CAMKMT: variants seen among roughly 807,000 people sequenced by gnomAD.
CAMKMT encodes CaM KMT.
In CAMKMT, 53 loss-of-function variants were observed where a neutral mutation model predicts 48.0. The observed-to-expected ratio is 1.10, with a 90% CI of 0.89 to 1.39. The LOEUF (loss-of-function observed/expected upper bound fraction) is 1.39, where lower values mean the gene tolerates loss of function less well. Ranked by LOEUF, CAMKMT falls within the 40% of genes most tolerant of loss-of-function variation. The pLI is 0.00. For synonymous variants in CAMKMT, 165 were observed against 152.3 expected (o/e 1.08, Z -0.61); for missense variants, 428 against 402.7 (o/e 1.06, Z -0.54).
intron 3 of CAMKMT, among the ~76,000 whole-genome samples, chr2:44,619,499 G>A (rs1572932026): frequency 6.6e-6 from 1 of 152,070 alleles, no homozygotes; most frequent in South Asian, 2.1e-4. Context: ...AAACACATAT[G>A]TGTGTGTATA....
chr2:44,410,284 T>A (rs1310708451), intron 3 of CAMKMT, among the ~76,000 whole-genome samples: 2 of 15,466 alleles, frequency 1.3e-4, no homozygotes, highest in Non-Finnish European at 2.9e-4. Context: ...TGAGACGGAG[T>A]CTTGCTCTGT....
At chr2:44,620,455 TGAA>T (rs1005730949) in intron 3 of CAMKMT, among the ~76,000 whole-genome samples, 3 of 152,182 alleles carry the variant, frequency 2.0e-5, no homozygotes, top group African/African-American at 7.2e-5. Context: ...CAAAAGCTAT[TGAA>T]GAAAAATGCA....
intron 3 of CAMKMT, among the ~76,000 whole-genome samples, chr2:44,434,328 T>C (rs1362361508): frequency 6.6e-6 from 1 of 152,174 alleles, no homozygotes; most frequent in Admixed American, 6.5e-5. Flanking sequence ...CATCCGTCTG[T>C]TGACTTTATT....
chr2:44,398,343 A>C (rs1682044752), intron 3 of CAMKMT, among the ~76,000 whole-genome samples: 2 of 152,212 alleles, frequency 1.3e-5, no homozygotes, highest in Admixed American at 6.5e-5. Flanking sequence ...CTAGAAAATA[A>C]CTTTGGCAAA....
chr2:44,612,302 C>T (rs1671644637), intron 3 of CAMKMT, among the ~76,000 whole-genome samples: 1 of 152,170 alleles, frequency 6.6e-6, no homozygotes, highest in African/African-American at 2.4e-5. Flanking sequence ...TAGCTGTCAA[C>T]ATGTGTTACT....
At chr2:44,429,396 T>C (rs549260801) in intron 3 of CAMKMT, among the ~76,000 whole-genome samples, 14 of 152,222 alleles carry the variant, frequency 9.2e-5, no homozygotes, top group African/African-American at 2.6e-4. Flanking sequence ...TTTCGGTTTG[T>C]TCAATCTGAA....
Position 44,701,968 on chromosome 2 carries a change from ATTTTTTTTTTTACTTTGTTC to A in CAMKMT, c.377-2311_377-2292del, listed in dbSNP as rs200153492. On this transcript the variant is annotated intron_variant, in intron 3 of 10. Transcript: ENST00000378494. The stretch of plus-strand genomic sequence containing the variant: ...TATCCTAGTGGTCACATTTTACGTG[ATTTTTTTTTTTACTTTGTTC>A]TTTGTATGTAATTTTGTTAAAAATC... 2.6e-3 allele frequency among the ~76,000 whole-genome samples: 385 copies of A among 148,506 alleles called. 8 individuals are homozygous for A. In the East Asian group the frequency reaches 0.032, roughly 12 times the overall value.
intron 3 of CAMKMT, among the ~76,000 whole-genome samples, chr2:44,601,175 A>G (rs936573065): frequency 2.0e-5 from 3 of 152,102 alleles, no homozygotes; most frequent in Admixed American, 6.5e-5. Context: ...TCTTTTAGAA[A>G]AAGTCATATG....
intron 9 of CAMKMT, among the ~76,000 whole-genome samples, chr2:44,755,916 T>G (rs963814133): frequency 6.6e-6 from 1 of 152,142 alleles, no homozygotes; most frequent in African/African-American, 2.4e-5. Flanking sequence ...GGGCTCACAC[T>G]AACCTGTAGC....
intron 8 of CAMKMT, among the ~76,000 whole-genome samples, chr2:44,746,175 G>A (rs1245180316): frequency 2.0e-5 from 3 of 152,134 alleles, no homozygotes; most frequent in Non-Finnish European, 4.4e-5. Context: ...AGCAAGAGTC[G>A]GAGTTCAAAT....
At chr2:44,542,235 T>C (rs1667152698) in intron 3 of CAMKMT, among the ~76,000 whole-genome samples, 1 of 152,198 alleles carries the variant, frequency 6.6e-6, no homozygotes, top group Non-Finnish European at 1.5e-5. Flanking sequence ...GTTTGGTGCT[T>C]AAGGAGGCAC....
At chr2:44,649,478 A>C (rs1309820545) in intron 3 of CAMKMT, among the ~76,000 whole-genome samples, 1 of 152,004 alleles carries the variant, frequency 6.6e-6, no homozygotes, top group Non-Finnish European at 1.5e-5. Context: ...AAACATACTG[A>C]GGTCAGTCTG....
intron 8 of CAMKMT, among the ~76,000 whole-genome samples, chr2:44,743,959 C>T (rs1176059999): frequency 2.6e-5 from 4 of 152,134 alleles, no homozygotes; most frequent in South Asian, 2.1e-4. Flanking sequence ...TCATGCTTGA[C>T]GTATCAGTAA....
intron 3 of CAMKMT, among the ~76,000 whole-genome samples, chr2:44,570,014 T>A (rs1471097726): frequency 6.6e-6 from 1 of 152,196 alleles, no homozygotes; most frequent in Admixed American, 6.5e-5. Context: ...AATACCAAAT[T>A]CATAGAGATG....
At chr2:44,748,247 G>A (rs990344374) in intron 8 of CAMKMT, among the ~76,000 whole-genome samples, 3 of 152,208 alleles carry the variant, frequency 2.0e-5, no homozygotes, top group Non-Finnish European at 4.4e-5. Flanking sequence ...GAGAGATGGA[G>A]TAGACAGCAT....
At chr2:44,428,598 T>A (rs1449513791) in intron 3 of CAMKMT, among the ~76,000 whole-genome samples, 1 of 152,242 alleles carries the variant, frequency 6.6e-6, no homozygotes, top group African/African-American at 2.4e-5. Flanking sequence ...CCTGTCCATA[T>A]CAATAGATGT....
rs867493269 is a variant in CAMKMT at position 44,683,839 on chromosome 2, A to G, written c.377-20444A>G. Among the ~76,000 whole-genome samples the G allele has an allele frequency of 7.2e-3, 1,069 of 148,846 alleles. 8 individuals are homozygous for G. The highest frequency in any genetic ancestry group is 0.01 in the Middle Eastern group (3 of 292). ...CTCTGTCTCAAAAAAAAAAAAAAAA[A>G]AAAAGAAAAAGAAAAAAGAAAAAGA... On this transcript the variant is annotated intron_variant, in intron 3 of 10. Transcript: ENST00000378494.
At chr2:44,758,590 G>T (rs1378334483) in intron 9 of CAMKMT, among the ~76,000 whole-genome samples, 1 of 152,098 alleles carries the variant, frequency 6.6e-6, no homozygotes, top group East Asian at 1.9e-4. Flanking sequence ...GAAAACAATA[G>T]AATAGGCATG....
chr2:44,546,347 T>A (rs1667404996), intron 3 of CAMKMT, among the ~76,000 whole-genome samples: 2 of 152,214 alleles, frequency 1.3e-5, no homozygotes. Flanking sequence ...TGGTCACTTG[T>A]GTGATGCATC....
Sources: allele counts gnomAD v4.1 joint callset (sites outside exome capture counted in the v4.1 genomes callset), GRCh38; gene constraint gnomAD v4.1.1; transcripts MANE v1.5; gene names NCBI Gene and HGNC (gene_info 2026-07-23, HGNC 2026-07-21).